The following MGMT variants were observed in gnomAD, a reference collection of about 807,000 sequenced individuals.
MGMT encodes the protein methylated-DNA--protein-cysteine methyltransferase.
MGMT carries 14 observed loss-of-function variants against 15.9 expected under a neutral mutation model. The observed-to-expected ratio is 0.88, with a 90% CI of 0.58 to 1.37. The LOEUF (loss-of-function observed/expected upper bound fraction) is 1.37. Among genes scored for constraint, MGMT ranks in the 40% most tolerant of loss-of-function variants. The pLI is 0.00. For missense variants in MGMT, 282 were observed against 268.1 expected (o/e 1.05, Z -0.36); for synonymous variants, 130 against 118.2 (o/e 1.10, Z -0.65).
intron 1 of MGMT, among the ~76,000 whole-genome samples, chr10:129,470,660 T>C (rs1276465889): frequency 6.6e-6 from 1 of 152,180 alleles, no homozygotes; most frequent in Non-Finnish European, 1.5e-5. Context: ...CAGCCTGCGC[T>C]CCCGAAGCTC....
chr10:129,652,222 C>T (rs961331278), intron 2 of MGMT, among the ~76,000 whole-genome samples: 6 of 152,256 alleles, frequency 3.9e-5, no homozygotes, highest in Non-Finnish European at 7.3e-5. Flanking sequence ...GCCGGCCATG[C>T]GGAGAACACT....
intron 2 of MGMT, among the ~76,000 whole-genome samples, chr10:129,672,814 T>G (rs1401696675): frequency 6.6e-6 from 1 of 152,210 alleles, no homozygotes; most frequent in Non-Finnish European, 1.5e-5. Flanking sequence ...ATTTCTGCCA[T>G]TTTTGTTCAT....
intron 2 of MGMT, chr10:129,537,076 T>G (rs1845994010): frequency 6.6e-6 from 1 of 152,226 alleles, no homozygotes; most frequent in African/African-American, 2.4e-5. Flanking sequence ...GTGTTTTGCT[T>G]TGAAATGTAA....
intron 3 of MGMT, among the ~76,000 whole-genome samples, chr10:129,714,445 C>G (rs1482697893): frequency 6.6e-6 from 1 of 152,156 alleles, no homozygotes; most frequent in Non-Finnish European, 1.5e-5. Flanking sequence ...TTCATTCAAG[C>G]ACTTTCCTTT....
intron 3 of MGMT, among the ~76,000 whole-genome samples, chr10:129,737,731 T>C (rs1848580668): frequency 1.3e-5 from 2 of 152,210 alleles, no homozygotes; most frequent in African/African-American, 2.4e-5. Flanking sequence ...GATGGGTTTT[T>C]GGTGTGGATG....
intron 2 of MGMT, among the ~76,000 whole-genome samples, chr10:129,567,209 C>G (rs777333917): frequency 1.3e-5 from 2 of 152,190 alleles, no homozygotes; most frequent in Non-Finnish European, 2.9e-5. Flanking sequence ...CCCATCCAGC[C>G]TGTGGCCCGT....
At chr10:129,747,801 G>T (rs1448539968) in intron 3 of MGMT, among the ~76,000 whole-genome samples, 1 of 152,132 alleles carries the variant, frequency 6.6e-6, no homozygotes, top group Non-Finnish European at 1.5e-5. Flanking sequence ...GCTGTGACAG[G>T]TCCTTAGTTT....
At chr10:129,669,008 T>C (rs1471350460) in intron 2 of MGMT, among the ~76,000 whole-genome samples, 1 of 152,182 alleles carries the variant, frequency 6.6e-6, no homozygotes, top group African/African-American at 2.4e-5. Flanking sequence ...GGTAGATGAA[T>C]ATTTAAATAT....
At position 129,760,092 on chromosome 10, in the gene MGMT, G is replaced by C. The variant is rs140386339; in HGVS notation, c.414+751G>C. Reference sequence around the variant, plus strand: ...CCCAACCGGGACACAGCATGGGTGGGGCAGCGTGGCCTGTGGTGCCTGGGG... The same window carrying C: ...CCCAACCGGGACACAGCATGGGTGGCGCAGCGTGGCCTGTGGTGCCTGGGG... On this transcript the variant is annotated intron_variant, in intron 4 of 4. Transcript: ENST00000651593. 2.6e-5 allele frequency among the ~76,000 whole-genome samples: 4 copies of C among 152,372 alleles called. No homozygotes were observed. In the East Asian group the frequency reaches 7.7e-4, roughly 29 times the overall value.
At chr10:129,684,475 A>G (rs1589935061) in intron 2 of MGMT, among the ~76,000 whole-genome samples, 1 of 152,250 alleles carries the variant, frequency 6.6e-6, no homozygotes, top group East Asian at 1.9e-4. Context: ...CCACAAATAC[A>G]AATCCTCTCC....
intron 1 of MGMT, among the ~76,000 whole-genome samples, chr10:129,495,681 T>C (rs950587790): frequency 6.6e-6 from 1 of 152,242 alleles, no homozygotes; most frequent in Non-Finnish European, 1.5e-5. Context: ...AACGATTGCA[T>C]GGACATGCCT....
chr10:129,688,010 C>T (rs1402609950), intron 2 of MGMT, among the ~76,000 whole-genome samples: 1 of 152,126 alleles, frequency 6.6e-6, no homozygotes. Flanking sequence ...ATCCATGTCC[C>T]TATAAAAGAC....
At chr10:129,549,319 C>T (rs1245424547) in intron 2 of MGMT, among the ~76,000 whole-genome samples, 1 of 152,176 alleles carries the variant, frequency 6.6e-6, no homozygotes. Context: ...CAAGAGCCCT[C>T]CAGATTTTTA....
intron 2 of MGMT, among the ~76,000 whole-genome samples, chr10:129,542,249 G>A (rs898141346): frequency 2.0e-5 from 3 of 152,116 alleles, no homozygotes; most frequent in East Asian, 1.9e-4. Flanking sequence ...ATGGGGTCCC[G>A]GCTGGCTTGG....
At chr10:129,756,411 G>A (rs1030560219) in intron 3 of MGMT, among the ~76,000 whole-genome samples, 1 of 152,206 alleles carries the variant, frequency 6.6e-6, no homozygotes, top group Admixed American at 6.5e-5. Flanking sequence ...CCAAGGTCTC[G>A]GGGCTGCCCT....
chr10:129,735,253 A>G (rs966601394), intron 3 of MGMT, among the ~76,000 whole-genome samples: 2 of 152,172 alleles, frequency 1.3e-5, no homozygotes, highest in East Asian at 1.9e-4. Context: ...TTATTGGTCT[A>G]TTCAGAGATT....
At chr10:129,521,046 G>A (rs1201290859) in intron 1 of MGMT, among the ~76,000 whole-genome samples, 8 of 151,540 alleles carry the variant, frequency 5.3e-5, no homozygotes, top group African/African-American at 1.5e-4. Flanking sequence ...TGCTGTCCCC[G>A]GATTCCTGTC....
chr10:129,729,360 C>G (rs923341411), intron 3 of MGMT, among the ~76,000 whole-genome samples: 1 of 152,194 alleles, frequency 6.6e-6, no homozygotes, highest in African/African-American at 2.4e-5. Flanking sequence ...GCCCCTCTGC[C>G]CTCAATGACT....
At chr10:129,745,379 C>T (rs941403346) in intron 3 of MGMT, among the ~76,000 whole-genome samples, 5 of 152,126 alleles carry the variant, frequency 3.3e-5, no homozygotes, top group South Asian at 2.1e-4. Context: ...ACCCCCACGC[C>T]GCCCCCTGGC....
Sources: allele counts gnomAD v4.1 joint callset (sites outside exome capture counted in the v4.1 genomes callset), GRCh38; gene constraint gnomAD v4.1.1; transcripts MANE v1.5; gene names NCBI Gene and HGNC (gene_info 2026-07-23, HGNC 2026-07-21).